The following PHTF2 variants were observed in gnomAD, a reference collection of about 807,000 sequenced individuals.
PHTF2 encodes putative homeodomain transcription factor 2.
Under a neutral mutation model 101.2 loss-of-function variants are expected in PHTF2, and 60 were observed. That is an observed-to-expected ratio of 0.59 (90% CI 0.48 to 0.73). The LOEUF is 0.73. Among genes scored for constraint, PHTF2 ranks in the 30% least tolerant of loss-of-function variants. The probability of loss-of-function intolerance (pLI) is 0.00; values close to 1 mark genes in which losing one functional copy is unlikely to be tolerated. For synonymous variants in PHTF2, 311 were observed against 307.3 expected (o/e 1.01, Z -0.13); for missense variants, 747 against 908.7 (o/e 0.82, Z 2.29).
intron 1 of PHTF2, among the ~76,000 whole-genome samples, chr7:77,819,929 G>T (rs1247773501): frequency 6.6e-6 from 1 of 151,928 alleles, no homozygotes. Flanking sequence ...GCTCTTGTTG[G>T]CCCAGGCTGG....
chr7:77,864,342 T>C (rs1454055618), intron 3 of PHTF2, among the ~76,000 whole-genome samples: 3 of 152,208 alleles, frequency 2.0e-5, no homozygotes, highest in Admixed American at 6.5e-5. Flanking sequence ...TTTTCTCACA[T>C]CCACCAGAGT....
intron 16 of PHTF2, among the ~76,000 whole-genome samples, chr7:77,943,401 A>G (rs943939798): frequency 1.3e-5 from 2 of 152,140 alleles, no homozygotes; most frequent in African/African-American, 4.8e-5. Context: ...TGCTGGGATT[A>G]CAGGCGTGAG....
chr7:77,803,432 A>G (rs1792721260), intron 1 of PHTF2, among the ~76,000 whole-genome samples: 2 of 152,134 alleles, frequency 1.3e-5, no homozygotes, highest in Admixed American at 1.3e-4. Context: ...AATTTATGAA[A>G]ATTAGGTGGC....
intron 9 of PHTF2, among the ~76,000 whole-genome samples, chr7:77,910,715 C>T (rs899092845): frequency 6.6e-6 from 1 of 151,986 alleles, no homozygotes; most frequent in African/African-American, 2.4e-5. Context: ...GATCTCGGCT[C>T]ACTGCATCCT....
chr7:77,825,471 G>C (rs894509913), intron 1 of PHTF2, among the ~76,000 whole-genome samples: 2 of 152,186 alleles, frequency 1.3e-5, no homozygotes, highest in African/African-American at 4.8e-5. Flanking sequence ...CTGGCATTTT[G>C]AATGGTACTC....
intron 1 of PHTF2, among the ~76,000 whole-genome samples, chr7:77,831,173 T>C (rs1275506247): frequency 6.6e-6 from 1 of 152,268 alleles, no homozygotes; most frequent in Non-Finnish European, 1.5e-5. Context: ...AAAAGTGCTT[T>C]GTCACGTGGA....
rs73375893 is a variant in PHTF2 at position 77,934,438 on chromosome 7, A to C, written c.1339-3272A>C. On this transcript the variant is annotated intron_variant, in intron 12 of 19. Transcript: ENST00000416283. The stretch of plus-strand genomic sequence containing the variant: ...AAATGGCTGCATTCCCACAGTTGGA[A>C]ACACGAGTATGTGGTTGGCATGGTG... 7.8e-3 allele frequency among the ~76,000 whole-genome samples: 1,192 copies of C among 152,350 alleles called. 21 individuals are homozygous for C. Among genetic ancestry groups the C allele is most frequent in the African/African-American group, 0.028 (1,153 of 41,580 alleles).
At chr7:77,871,676 G>A (rs1169342347) in intron 3 of PHTF2, among the ~76,000 whole-genome samples, 2 of 152,176 alleles carry the variant, frequency 1.3e-5, no homozygotes, top group Non-Finnish European at 2.9e-5. Flanking sequence ...GCCCTGCAAA[G>A]TATTGTCACC....
intron 1 of PHTF2, among the ~76,000 whole-genome samples, chr7:77,821,127 T>G (rs1207888821): frequency 3.3e-5 from 1 of 30,466 alleles, no homozygotes; most frequent in Non-Finnish European, 5.8e-5. Flanking sequence ...TGGATGGCAG[T>G]TTTTTTTTTT....
chr7:77,827,358 T>G (rs1794760063), intron 1 of PHTF2, among the ~76,000 whole-genome samples: 1 of 152,132 alleles, frequency 6.6e-6, no homozygotes, highest in African/African-American at 2.4e-5. Flanking sequence ...TTATTTTTAT[T>G]TATTTATTCT....
At chr7:77,947,837 C>CTTTCTTTTTTT (rs750628047) in intron 16 of PHTF2, among the ~76,000 whole-genome samples, 10 of 73,802 alleles carry the variant, frequency 1.4e-4, no homozygotes, top group Admixed American at 5.9e-4. Flanking sequence ...TTTTTTCTTT[C>CTTTCTTTTTTT]TTTTTTTTTT....
rs545186211 is a variant in PHTF2 at position 77,939,302 on chromosome 7, C to G, written c.1468-728C>G. Among the ~76,000 whole-genome samples the G allele has an allele frequency of 3.3e-5, 5 of 152,104 alleles. No individual in the cohort carries two copies. The South Asian group carries it at 1.0e-3, about 32-fold the overall frequency. On this transcript the variant is annotated intron_variant, in intron 13 of 19. Coordinates refer to ENST00000416283, the Ensembl canonical transcript of PHTF2. ...AGGAGACACTTATTTATATATTGGA[C>G]TATTCAAAGAGAAATGTAAGCGGCT...
intron 1 of PHTF2, among the ~76,000 whole-genome samples, chr7:77,831,062 G>A (rs534115722): frequency 2.8e-4 from 43 of 152,206 alleles, no homozygotes; most frequent in Non-Finnish European, 5.4e-4. Flanking sequence ...AACACCAAGA[G>A]TCCCACTTAA....
chr7:77,835,957 T>C (rs895133821), intron 1 of PHTF2, among the ~76,000 whole-genome samples: 12 of 151,756 alleles, frequency 7.9e-5, no homozygotes, highest in African/African-American at 2.4e-4. Flanking sequence ...CTGTCTCTAC[T>C]AAAATTACAA....
At chr7:77,826,545 T>A (rs1794710097) in intron 1 of PHTF2, among the ~76,000 whole-genome samples, 1 of 152,038 alleles carries the variant, frequency 6.6e-6, no homozygotes, top group African/African-American at 2.4e-5. Context: ...GGAGCTGTCG[T>A]CATTAAAATA....
chr7:77,945,801 G>A (rs1367065557), intron 16 of PHTF2, among the ~76,000 whole-genome samples: 2 of 152,090 alleles, frequency 1.3e-5, no homozygotes, highest in Admixed American at 6.5e-5. Flanking sequence ...GAAGAGATCT[G>A]TAACTGTAAG....
At chr7:77,858,376 T>C (rs1797348739) in intron 3 of PHTF2, among the ~76,000 whole-genome samples, 1 of 152,166 alleles carries the variant, frequency 6.6e-6, no homozygotes, top group African/African-American at 2.4e-5. Context: ...GGGTTTGACT[T>C]TAGAGGTTAT....
intron 5 of PHTF2, among the ~76,000 whole-genome samples, chr7:77,894,995 A>G (rs1800759096): frequency 6.6e-6 from 1 of 152,196 alleles, no homozygotes; most frequent in Non-Finnish European, 1.5e-5. Context: ...GAATTTAGAC[A>G]TAATCTGGAA....
intron 3 of PHTF2, among the ~76,000 whole-genome samples, chr7:77,861,292 G>A (rs762544417): frequency 2.3e-4 from 35 of 152,174 alleles, no homozygotes; most frequent in South Asian, 2.1e-4. Flanking sequence ...AACAAATGAT[G>A]CATTAAAAAG....
Sources: gnomAD v4.1 joint callset for allele counts (sites outside exome capture counted in the v4.1 genomes callset) on GRCh38, gnomAD v4.1.1 for gene constraint, MANE v1.5 for transcripts, NCBI Gene and HGNC (gene_info 2026-07-23, HGNC 2026-07-21) for gene names.